TRIP4: variants seen among roughly 807,000 people sequenced by gnomAD.
TRIP4 encodes the protein thyroid hormone receptor interactor 4, also known as activating signal cointegrator 1.
In TRIP4, 54 loss-of-function variants were observed where a neutral mutation model predicts 81.8. The ratio of observed to expected loss-of-function variants is 0.66; its 90% CI spans 0.53 to 0.83. The LOEUF (loss-of-function observed/expected upper bound fraction) is 0.83. Among genes scored for constraint, TRIP4 ranks in the 40% least tolerant of loss-of-function variants. The pLI is 0.00. For synonymous variants in TRIP4, 270 were observed against 242.8 expected (o/e 1.11, Z -1.04); for missense variants, 662 against 683.6 (o/e 0.97, Z 0.35).
In TRIP4 at chr15:64,388,758, T is replaced by TTGTCGTTTACC. The variant is rs1900029129; in HGVS notation, c.101+798_101+808dup. 7.2e-5 allele frequency among the ~76,000 whole-genome samples: 11 copies of TTGTCGTTTACC among 152,338 alleles called. No individual in the cohort carries two copies. In the South Asian group the frequency reaches 2.1e-3, roughly 29 times the overall value. ...CTGGAGTCTCAGGTTCTATATTCTGTTGTCGTTTACCTGTTTTAGAACCCA... is the reference window on the plus strand; with the variant it reads ...CTGGAGTCTCAGGTTCTATATTCTGTTGTCGTTTACCTGTCGTTTACCTGTTTTAGAACCCA... On this transcript the variant is annotated intron_variant, in intron 1 of 12. Coordinates refer to ENST00000261884, the MANE Select transcript of TRIP4 (RefSeq NM_016213.5).
At chr15:64,407,891 G>A (rs1316863538) in intron 6 of TRIP4, among the ~76,000 whole-genome samples, 2 of 151,948 alleles carry the variant, frequency 1.3e-5, no homozygotes, top group Non-Finnish European at 2.9e-5. Context: ...GAGCCTGTAA[G>A]TTTGAGAGCA....
At chr15:64,415,836 A>G (rs1391594541) in intron 8 of TRIP4, among the ~76,000 whole-genome samples, 2 of 152,192 alleles carry the variant, frequency 1.3e-5, no homozygotes, top group Non-Finnish European at 2.9e-5. Flanking sequence ...GTCTTATGCT[A>G]ATGAGTTTAG....
At chr15:64,437,410 C>A (rs1025970855) in intron 11 of TRIP4, among the ~76,000 whole-genome samples, 5 of 151,308 alleles carry the variant, frequency 3.3e-5, no homozygotes, top group Non-Finnish European at 5.9e-5. Context: ...GGGTGAGACT[C>A]CATCTCAAAA....
At chr15:64,426,569 G>A (rs1386325458) in intron 11 of TRIP4, among the ~76,000 whole-genome samples, 1 of 151,760 alleles carries the variant, frequency 6.6e-6, no homozygotes, top group Non-Finnish European at 1.5e-5. Flanking sequence ...GTATGGTGGC[G>A]CATGCCTGTA....
intron 11 of TRIP4, among the ~76,000 whole-genome samples, chr15:64,442,171 T>A: frequency 6.7e-6 from 1 of 149,796 alleles, no homozygotes; most frequent in African/African-American, 2.4e-5. Flanking sequence ...TGGAGAGTTT[T>A]AAGCAGAAGA....
intron 11 of TRIP4, among the ~76,000 whole-genome samples, chr15:64,436,365 G>A (rs1046593832): frequency 7.9e-5 from 12 of 151,096 alleles, no homozygotes; most frequent in African/African-American, 2.9e-4. Flanking sequence ...AGGCCGAGGC[G>A]GGCAGATCAC....
At position 64,418,706 on chromosome 15, in the gene TRIP4, C is replaced by T; in HGVS notation, c.1336C>T (p.Leu446=). Residue 446 remains leucine (L), a synonymous_variant, in exon 9 of 13, where the codon CTG becomes TTG. Coordinates refer to ENST00000261884, the MANE Select transcript of TRIP4 (RefSeq NM_016213.5). ...CLSVHQPWAS[L]LVRGIKRVEG... ...CTCTGTACATCAGCCCTGGGCTTCT[C>T]TGCTTGTCAGAGGGATTAAAAGGTA... The T allele has an allele frequency of 6.2e-7, 1 of 1,613,072 alleles. No homozygotes were observed. Among genetic ancestry groups the T allele is most frequent in the Non-Finnish European group, 8.5e-7 (1 of 1,179,628 alleles).
At chr15:64,405,903 G>T (rs1371663052) in intron 5 of TRIP4, among the ~76,000 whole-genome samples, 1 of 152,146 alleles carries the variant, frequency 6.6e-6, no homozygotes, top group Non-Finnish European at 1.5e-5. Flanking sequence ...GAGGTGGAAG[G>T]ATCGCCTGAG....
In TRIP4 at chr15:64,444,377, A is replaced by G. The variant is rs569397786; in HGVS notation, c.1576-629A>G. On this transcript the variant is annotated intron_variant, in intron 11 of 12. Coordinates refer to ENST00000261884, the MANE Select transcript of TRIP4 (RefSeq NM_016213.5). ...TACAAAAAAAGTAAAAGTCCTAACT[A>G]TTCACACAGATTTGTTTTTATGATA... is the stretch of plus-strand genomic sequence containing the variant. Among the ~76,000 whole-genome samples, 7 of 152,350 alleles carry G rather than the reference A, an allele frequency of 4.6e-5. No individual in the cohort carries two copies. The South Asian group carries it at 1.4e-3, about 32-fold the overall frequency.
At position 64,439,512 on chromosome 15, in the gene TRIP4, C is replaced by CTTT. The variant is rs71895300; in HGVS notation, c.1576-5468_1576-5466dup. On this transcript the variant is annotated intron_variant, in intron 11 of 12. Transcript: ENST00000261884. ...GTTCTTCAAATAACAACTTATAAAT[C>CTTT]TTTTTTTTTTTTTTTTTTTTTTTTT... Among the ~76,000 whole-genome samples, 46 of 47,928 alleles carry CTTT rather than the reference C, an allele frequency of 9.6e-4. 5 individuals carry two copies. Among genetic ancestry groups the CTTT allele is most frequent in the African/African-American group, 4.4e-3 (44 of 9,994 alleles). The allele number at this position is 47,928 out of a possible 152,430, so 31.4% of individuals were successfully genotyped here. A position where few individuals can be genotyped will look rare whatever the true frequency, so the allele number is the denominator to read the frequency against.
intron 11 of TRIP4, among the ~76,000 whole-genome samples, chr15:64,426,736 C>T (rs369583050): frequency 7.0e-6 from 1 of 143,650 alleles, no homozygotes; most frequent in Non-Finnish European, 1.5e-5. Context: ...CATGGTGGCT[C>T]ACGCCTGTAA....
intron 2 of TRIP4, among the ~76,000 whole-genome samples, chr15:64,394,714 C>G (rs1223430222): frequency 6.6e-6 from 1 of 151,736 alleles, no homozygotes; most frequent in Non-Finnish European, 1.5e-5. Flanking sequence ...ATTTTTCAGT[C>G]GTGCATACCT....
rs911731600 is a variant in TRIP4, at chr15:64,404,122, G to A, written c.698-2208G>A. On this transcript the variant is annotated intron_variant, in intron 5 of 12. Coordinates refer to ENST00000261884, the MANE Select transcript of TRIP4 (RefSeq NM_016213.5). Reference sequence around the variant, plus strand: ...TGGGAATTGCTTGAACCCCGGAGGCGGAGGTTGCAGTGAGCCGAGATTGCA... The same window carrying A: ...TGGGAATTGCTTGAACCCCGGAGGCAGAGGTTGCAGTGAGCCGAGATTGCA... Among the ~76,000 whole-genome samples the A allele has an allele frequency of 3.7e-4, 56 of 151,994 alleles. 1 individual carries two copies. Among genetic ancestry groups the A allele is most frequent in the African/African-American group, 1.2e-3 (48 of 41,466 alleles).
chr15:64,431,448 A>T (rs1469980009), intron 11 of TRIP4, among the ~76,000 whole-genome samples: 1 of 152,154 alleles, frequency 6.6e-6, no homozygotes, highest in Non-Finnish European at 1.5e-5. Flanking sequence ...TCACGCCTGT[A>T]ATCCCAGCAC....
At chr15:64,439,670 C>T (rs1160708393) in intron 11 of TRIP4, among the ~76,000 whole-genome samples, 1 of 151,464 alleles carries the variant, frequency 6.6e-6, no homozygotes. Flanking sequence ...ATTACAGGTG[C>T]CCGCCATCAT....
intron 7 of TRIP4, among the ~76,000 whole-genome samples, chr15:64,410,907 A>G (rs1891748501): frequency 6.6e-6 from 1 of 152,260 alleles, no homozygotes; most frequent in African/African-American, 2.4e-5. Context: ...CAAGTGGGGA[A>G]GTACAAATAG....
At position 64,402,198 on chromosome 15, in the gene TRIP4, A is replaced by G. The variant is rs143581755; in HGVS notation, c.697+1377A>G. On this transcript the variant is annotated intron_variant, in intron 5 of 12. Transcript: ENST00000261884. ...ATTTTGCATGCCTTTTATGCTTGAA[A>G]CACACCTGACAAAAATGGTTAAGGA... Among the ~76,000 whole-genome samples, 490 of 152,002 alleles carry G rather than the reference A, an allele frequency of 3.2e-3. 1 individual carries two copies. The highest frequency in any genetic ancestry group is 0.011 in the African/African-American group (470 of 41,464).
chr15:64,426,684 A>G (rs1892152551), intron 11 of TRIP4, among the ~76,000 whole-genome samples: 1 of 130,446 alleles, frequency 7.7e-6, no homozygotes, highest in South Asian at 2.5e-4. Context: ...TGGGCGACAG[A>G]GTGAGACTCT....
At chr15:64,414,512 C>CTTTTTTTTTTTTT (rs869202504) in intron 8 of TRIP4, among the ~76,000 whole-genome samples, 1 of 87,058 alleles carries the variant, frequency 1.1e-5, no homozygotes, top group African/African-American at 4.3e-5. Context: ...TGCTCTTTCT[C>CTTTTTTTTTTTTT]TTTTTTTTTT....
Sources: allele counts gnomAD v4.1 joint callset (sites outside exome capture counted in the v4.1 genomes callset), GRCh38; gene constraint gnomAD v4.1.1; transcripts MANE v1.5; gene names NCBI Gene and HGNC (gene_info 2026-07-23, HGNC 2026-07-21).